The following ESRRG variants were observed in gnomAD, a reference collection of about 807,000 sequenced individuals.
The protein encoded by ESRRG is estrogen-related receptor gamma.
A neutral mutation model predicts 44.0 loss-of-function variants in ESRRG; 13 were observed. That is an observed-to-expected ratio of 0.30 (90% CI 0.19 to 0.47). ESRRG has a LOEUF of 0.47. Ranked by LOEUF, ESRRG falls within the 20% of genes least tolerant of loss-of-function variation. The pLI, the probability that ESRRG is intolerant of heterozygous loss-of-function variation, is 1.00. For missense variants in ESRRG, 395 were observed against 580.6 expected, an observed-to-expected ratio of 0.68 and a Z score of 3.29; for synonymous variants, 215 against 214.6, an observed-to-expected ratio of 1.00 and a Z score of -0.02.
At chr1:217,019,029 G>A (rs2079876868) in intron 1 of ESRRG, among the ~76,000 whole-genome samples, 1 of 152,148 alleles carries the variant, frequency 6.6e-6, no homozygotes, top group African/African-American at 2.4e-5. Context: ...CAAAACTACA[G>A]ATGTTCAAGG....
intron 2 of ESRRG, among the ~76,000 whole-genome samples, chr1:216,834,996 A>T (rs753857507): frequency 9.2e-5 from 14 of 152,188 alleles, no homozygotes; most frequent in South Asian, 6.2e-4. Flanking sequence ...GTTCTATGAT[A>T]ATCAGGGGGA....
chr1:217,038,335 T>C (rs2083279367), intron 1 of ESRRG, among the ~76,000 whole-genome samples: 1 of 152,222 alleles, frequency 6.6e-6, no homozygotes, highest in Non-Finnish European at 1.5e-5. Flanking sequence ...ACCTCAATTC[T>C]TGACTTTTGT....
chr1:216,651,001 C>T lies in ESRRG; in HGVS notation c.561G>A (p.Lys187=). Reference sequence around the variant, plus strand: ...CTTTCAGCATGCCCACTTTTAAACACTTCATGAAGCGGCAAGCCTGGCAGG... The same window carrying T: ...CTTTCAGCATGCCCACTTTTAAACATTTCATGAAGCGGCAAGCCTGGCAGG... ...RKSCQACRFM[K]CLKVGMLKEG... is the part of the protein sequence containing the mutation. Residue 187 remains lysine, a synonymous_variant, in exon 3 of 7, where the codon AAG becomes AAA. Coordinates refer to ENST00000408911, the MANE Select transcript of ESRRG (RefSeq NM_001438.4). 6.2e-7 allele frequency: 1 copy of T among 1,612,486 alleles called. No individual in the cohort carries two copies. Among genetic ancestry groups the T allele is most frequent in the Non-Finnish European group, 8.5e-7 (1 of 1,178,582 alleles).
chr1:216,576,829 C>T lies in ESRRG; in HGVS notation c.590-8731G>A, dbSNP rs80130665. Reference sequence around the variant, plus strand: ...CACATACAAGTACAAATTATGTCATCTGCAACAGGTGACAAGTTTTAATTG... The same window carrying T: ...CACATACAAGTACAAATTATGTCATTTGCAACAGGTGACAAGTTTTAATTG... On this transcript the variant is annotated intron_variant, in intron 3 of 6. Coordinates refer to ENST00000408911, the MANE Select transcript of ESRRG (RefSeq NM_001438.4). 5.2e-3 allele frequency among the ~76,000 whole-genome samples: 797 copies of T among 152,082 alleles called. 5 individuals are homozygous for T. The highest frequency in any genetic ancestry group is 8.6e-3 in the Non-Finnish European group (582 of 67,930).
intron 2 of ESRRG, among the ~76,000 whole-genome samples, chr1:216,898,112 G>A (rs1400365471): frequency 6.6e-6 from 1 of 152,112 alleles, no homozygotes; most frequent in East Asian, 1.9e-4. Flanking sequence ...AAGTGCAGGG[G>A]GAAAAAATCA....
At chr1:216,903,862 G>A (rs1036860148) in intron 2 of ESRRG, among the ~76,000 whole-genome samples, 2 of 152,062 alleles carry the variant, frequency 1.3e-5, no homozygotes, top group African/African-American at 2.4e-5. Flanking sequence ...CTCTCTGCAG[G>A]ATCCAATTAT....
At chr1:217,068,607 CTTCATAAACT>C (rs887199562) in intron 1 of ESRRG, among the ~76,000 whole-genome samples, 1 of 152,056 alleles carries the variant, frequency 6.6e-6, no homozygotes, top group Non-Finnish European at 1.5e-5. Context: ...TAAGTTGTGA[CTTCATAAACT>C]TTCACTACAA....
chr1:216,915,587 C>CAA (rs1283838104), intron 2 of ESRRG, among the ~76,000 whole-genome samples: 2 of 152,062 alleles, frequency 1.3e-5, no homozygotes, highest in African/African-American at 4.8e-5. Flanking sequence ...AACAAACAAA[C>CAA]AAACAAACAA....
At chr1:216,705,579 T>C (rs2082289823) in intron 1 of ESRRG, among the ~76,000 whole-genome samples, 1 of 152,224 alleles carries the variant, frequency 6.6e-6, no homozygotes, top group Non-Finnish European at 1.5e-5. Flanking sequence ...TATCTAAATC[T>C]AGATAAAACT....
At chr1:216,787,131 G>T (rs2094153216) in intron 2 of ESRRG, among the ~76,000 whole-genome samples, 1 of 152,000 alleles carries the variant, frequency 6.6e-6, no homozygotes, top group Non-Finnish European at 1.5e-5. Flanking sequence ...GATCGTTAAT[G>T]TTACTGTTGT....
At chr1:216,989,371 T>C (rs1021973318) in intron 1 of ESRRG, among the ~76,000 whole-genome samples, 9 of 143,494 alleles carry the variant, frequency 6.3e-5, no homozygotes, top group African/African-American at 1.0e-4. Context: ...ACAATTGAGC[T>C]GCAGTGAGCC....
chr1:216,714,868 G>A (rs1262498304), intron 1 of ESRRG, among the ~76,000 whole-genome samples: 1 of 152,170 alleles, frequency 6.6e-6, no homozygotes, highest in African/African-American at 2.4e-5. Flanking sequence ...TTTACGGGTA[G>A]TACTTTGGAG....
At chr1:217,112,726 T>C (rs1217151384) in intron 1 of ESRRG, among the ~76,000 whole-genome samples, 3 of 152,026 alleles carry the variant, frequency 2.0e-5, no homozygotes, top group Non-Finnish European at 4.4e-5. Flanking sequence ...TCTAAAAGGG[T>C]TTTCAATGTA....
intron 2 of ESRRG, among the ~76,000 whole-genome samples, chr1:216,819,772 C>A (rs949182402): frequency 2.0e-5 from 3 of 152,196 alleles, no homozygotes; most frequent in East Asian, 1.9e-4. Flanking sequence ...ATTAATAATC[C>A]TAAGCAGAGG....
chr1:216,777,807 A>C (rs2093669617), intron 2 of ESRRG, among the ~76,000 whole-genome samples: 1 of 152,094 alleles, frequency 6.6e-6, no homozygotes, highest in Non-Finnish European at 1.5e-5. Flanking sequence ...GAATGCAGGA[A>C]TGTTTTCTTA....
intron 1 of ESRRG, among the ~76,000 whole-genome samples, chr1:216,713,230 G>A (rs1412948640): frequency 6.6e-6 from 1 of 152,056 alleles, no homozygotes; most frequent in African/African-American, 2.4e-5. Flanking sequence ...AGAGTTAATG[G>A]TTTGTATTGA....
chr1:216,802,962 A>T (rs1053982930), intron 2 of ESRRG, among the ~76,000 whole-genome samples: 1 of 152,132 alleles, frequency 6.6e-6, no homozygotes, highest in Admixed American at 6.6e-5. Flanking sequence ...GTGAGTGCTC[A>T]ATCGTCTTTT....
At chr1:216,794,865 C>A (rs145158996) in intron 2 of ESRRG, among the ~76,000 whole-genome samples, 2 of 152,228 alleles carry the variant, frequency 1.3e-5, no homozygotes, top group South Asian at 2.1e-4. Flanking sequence ...GAACATGAAC[C>A]AGGATAATCT....
chr1:216,962,134 G>A (rs2576216), intron 1 of ESRRG, among the ~76,000 whole-genome samples: 78,186 of 151,640 alleles, frequency 0.52, 21,834 homozygotes, highest in Middle Eastern at 0.7. Context: ...GTTCTTATTC[G>A]AAACTATGGA....
Sources: allele counts gnomAD v4.1 joint callset (sites outside exome capture counted in the v4.1 genomes callset), GRCh38; gene constraint gnomAD v4.1.1; transcripts MANE v1.5; gene names NCBI Gene and HGNC (gene_info 2026-07-23, HGNC 2026-07-21).